Variants in EIF4G3 observed in about 807,000 individuals in gnomAD.
The protein encoded by EIF4G3 is eIF-4-gamma 3.
EIF4G3 carries 34 observed loss-of-function variants against 186.4 expected under a neutral mutation model. The ratio of observed to expected loss-of-function variants is 0.18; its 90% CI spans 0.14 to 0.24. EIF4G3 has a LOEUF of 0.24. Ranked by LOEUF, EIF4G3 falls within the 10% of genes least tolerant of loss-of-function variation. The pLI is 1.00. For synonymous variants in EIF4G3, 673 were observed against 679.5 expected (o/e 0.99, Z 0.15); for missense variants, 1,536 against 1,948.5 (o/e 0.79, Z 3.99).
At chr1:20,821,620 C>T (rs950934479) in intron 33 of EIF4G3, among the ~76,000 whole-genome samples, 2 of 151,150 alleles carry the variant, frequency 1.3e-5, no homozygotes, top group Admixed American at 6.6e-5. Flanking sequence ...TCACCATCTT[C>T]CCTATTATGT....
chr1:20,814,821 C>T (rs1310869180), intron 34 of EIF4G3, among the ~76,000 whole-genome samples: 3 of 119,048 alleles, frequency 2.5e-5, no homozygotes, highest in Non-Finnish European at 5.3e-5. Flanking sequence ...CACGGTCTCC[C>T]TCTGATGCCG....
At chr1:21,067,226 G>A (rs2095278661) in intron 3 of EIF4G3, among the ~76,000 whole-genome samples, 1 of 150,042 alleles carries the variant, frequency 6.7e-6, no homozygotes, top group Admixed American at 6.7e-5. Context: ...TCTGCTTCTG[G>A]GGTTTAAGGG....
chr1:21,040,249 G>A (rs1439885284), intron 4 of EIF4G3, among the ~76,000 whole-genome samples: 1 of 152,094 alleles, frequency 6.6e-6, no homozygotes, highest in Admixed American at 6.5e-5. Flanking sequence ...TGCACATAAT[G>A]AAGTCTCCAA....
At chr1:20,888,598 A>G (rs1012878041) in intron 18 of EIF4G3, among the ~76,000 whole-genome samples, 1 of 152,132 alleles carries the variant, frequency 6.6e-6, no homozygotes, top group Non-Finnish European at 1.5e-5. Context: ...TAGAGTCCAA[A>G]TCTGCTATAT....
At chr1:20,985,742 T>C (rs1186059404) in intron 7 of EIF4G3, among the ~76,000 whole-genome samples, 2 of 151,940 alleles carry the variant, frequency 1.3e-5, no homozygotes, top group African/African-American at 4.8e-5. Context: ...TCATTAAGAG[T>C]CAAACTCTCC....
At chr1:20,869,801 A>T (rs970849210) in intron 20 of EIF4G3, among the ~76,000 whole-genome samples, 1 of 150,546 alleles carries the variant, frequency 6.6e-6, no homozygotes, top group African/African-American at 2.4e-5. Context: ...AAAAAAAGTG[A>T]AGTAAACAGC....
Position 21,062,406 on chromosome 1 carries a change from A to G in EIF4G3, c.-195-11412T>C, listed in dbSNP as rs146798221. Among the ~76,000 whole-genome samples the G allele has an allele frequency of 5.9e-5, 9 of 152,194 alleles. No homozygotes were observed. The East Asian group carries it at 1.6e-3, about 26-fold the overall frequency. ...AAATAAACAAGATCATCAGAGAATA[A>G]ATCAGTAATATCCTAAACTAAAATT... On this transcript the variant is annotated intron_variant, in intron 3 of 36. Transcript: ENST00000602326.
At chr1:20,887,266 A>G (rs114471972) in intron 18 of EIF4G3, among the ~76,000 whole-genome samples, 2,551 of 151,410 alleles carry the variant, frequency 0.017, 28 homozygotes, top group Non-Finnish European at 0.027. Context: ...TAGCCATTAG[A>G]TTTCAAGAGA....
intron 4 of EIF4G3, among the ~76,000 whole-genome samples, chr1:21,028,727 A>C (rs7523514): frequency 4.6e-5 from 7 of 152,210 alleles, no homozygotes; most frequent in Admixed American, 2.0e-4. Flanking sequence ...AGCTATATAC[A>C]GTGTATGGCC....
Position 20,839,504 on chromosome 1 carries a change from C to A in EIF4G3, c.4061+1352G>T, listed in dbSNP as rs994793846. The stretch of plus-strand genomic sequence containing the variant: ...GCTTGCAAAGTCAAACGAATAAATT[C>A]AACAATGACTTTTTTGTTTTTTAGA... On this transcript the variant is annotated intron_variant, in intron 30 of 36. Transcript: ENST00000602326. Among the ~76,000 whole-genome samples the A allele has an allele frequency of 2.0e-5, 3 of 152,018 alleles. No homozygotes were observed. The East Asian group carries it at 5.8e-4, about 29-fold the overall frequency.
rs761879638 is a variant in EIF4G3 at position 20,840,955 on chromosome 1, G to A, written c.3962C>T (p.Ser1321Phe). 3 of 1,614,054 alleles carry A rather than the reference G, an allele frequency of 1.9e-6. No individual in the cohort carries two copies. The highest frequency in any genetic ancestry group is 2.5e-6 in the Non-Finnish European group (3 of 1,179,992). The change falls in exon 30 of 37, where the codon TCC becomes TTC. Residue 1321 changes from serine to phenylalanine, a missense_variant. Physicochemically the swap from Ser to Phe is radical, Grantham distance 155 (BLOSUM62 -2). This residue lies in a region of EIF4G3 where 395 missense variants were observed against 498.9 expected (regional missense o/e 0.79). Coordinates refer to ENST00000602326, the MANE Select transcript of EIF4G3 (RefSeq NM_001391906.1). ...LHVFVRVGVE[S>F]TLERSQITRD... The stretch of plus-strand genomic sequence containing the variant: ...GGTGATCTGGCTCCTTTCCAGGGTG[G>A]ACTCCACTCCCACTCTCACAAAAAC...
In EIF4G3 at chr1:20,879,497, A is replaced by G. The variant is rs867812246; in HGVS notation, c.2448T>C (p.Ser816=). 1 of 1,453,704 alleles carries G rather than the reference A, an allele frequency of 6.9e-7. No homozygotes were observed. Among genetic ancestry groups the G allele is most frequent in the Middle Eastern group, 1.8e-4 (1 of 5,446 alleles). The allele number at this position is 1,453,704 out of a possible 1,614,324, so 90.1% of individuals were successfully genotyped here. The change falls in exon 20 of 37, where the codon AGT becomes AGC. Residue 816 remains serine (S), a synonymous_variant. Coordinates refer to ENST00000602326, the MANE Select transcript of EIF4G3 (RefSeq NM_001391906.1). ...KTQELFRKVR[S]ILNKLTPQMF... ...TCTGTGGTGTCAATTTATTTAAGAT[A>G]CTTCGAACTTTTCTAAAAAGCTCCT... is the stretch of plus-strand genomic sequence containing the variant.
In EIF4G3 at chr1:20,891,648, G is replaced by T. The variant is rs925932100; in HGVS notation, c.2253+1869C>A. ...AAAAAAAAAAAAAAATTAGCTGGGCGTGGTGGCAGGCACCTATAGTCCCAG... is the reference window on the plus strand; with the variant it reads ...AAAAAAAAAAAAAAATTAGCTGGGCTTGGTGGCAGGCACCTATAGTCCCAG... On this transcript the variant is annotated intron_variant, in intron 18 of 36. Coordinates refer to ENST00000602326, the MANE Select transcript of EIF4G3 (RefSeq NM_001391906.1). 1.5e-4 allele frequency among the ~76,000 whole-genome samples: 23 copies of T among 150,694 alleles called. 1 individual carries two copies. Among genetic ancestry groups the T allele is most frequent in the Non-Finnish European group, 3.2e-4 (22 of 67,702 alleles).
intron 4 of EIF4G3, among the ~76,000 whole-genome samples, chr1:21,024,234 G>C (rs34675896): frequency 6.8e-6 from 1 of 146,184 alleles, no homozygotes; most frequent in African/African-American, 2.6e-5. Flanking sequence ...TCAGCCCCCC[G>C]CCCGGCCAGC....
intron 2 of EIF4G3, among the ~76,000 whole-genome samples, chr1:21,135,905 C>A (rs1300468461): frequency 1.3e-5 from 2 of 152,066 alleles, no homozygotes; most frequent in Non-Finnish European, 2.9e-5. Flanking sequence ...GAACACAGGC[C>A]GGGCGCGGTG....
At chr1:21,119,850 T>A (rs1439055611) in intron 2 of EIF4G3, among the ~76,000 whole-genome samples, 1 of 152,272 alleles carries the variant, frequency 6.6e-6, no homozygotes, top group South Asian at 2.1e-4. Flanking sequence ...TTCTTAAGCA[T>A]CTTTCCAGAA....
At position 21,161,503 on chromosome 1, in the gene EIF4G3, CA is replaced by C. The variant is rs201707516; in HGVS notation, c.-272+14671del. The C allele has an allele frequency of 1.5e-3, 229 of 148,982 alleles. 2 individuals carry two copies. In the East Asian group the frequency reaches 0.044, roughly 29 times the overall value. The allele number at this position is 148,982 out of a possible 1,614,324, so 9.2% of individuals were successfully genotyped here. On this transcript the variant is annotated intron_variant, in intron 2 of 36. Coordinates refer to ENST00000602326, the MANE Select transcript of EIF4G3 (RefSeq NM_001391906.1). ...GGGCAACAAGAGCAAAATTCCATCT[CA>C]AAAAAAAAGAAAAGAAAAAGAAAAA...
At position 21,176,261 on chromosome 1, in the gene EIF4G3, C is replaced by CGCTGCT. The variant is rs2098104622; in HGVS notation, c.-359_-358insAGCAGC. 2 of 369,932 alleles carry CGCTGCT rather than the reference C, an allele frequency of 5.4e-6. No homozygotes were observed. Among genetic ancestry groups the CGCTGCT allele is most frequent in the South Asian group, 8.7e-5 (1 of 11,502 alleles). 22.9% of individuals were successfully genotyped at this position (369,932 alleles called of 1,614,324 possible). A position where few individuals can be genotyped will look rare whatever the true frequency, so the allele number is the denominator to read the frequency against. ...CCGCCGCCGCCGCCGCCGCCGCCGC[C>CGCTGCT]GCCGCTGCTGCCGCCGCCGGGTGAG... On this transcript the variant is annotated 5_prime_UTR_variant, in exon 2 of 37. Transcript: ENST00000602326.
intron 4 of EIF4G3, among the ~76,000 whole-genome samples, chr1:21,007,036 C>T (rs1032535826): frequency 6.6e-6 from 1 of 152,134 alleles, no homozygotes; most frequent in Non-Finnish European, 1.5e-5. Flanking sequence ...AGATTAAACT[C>T]AATATTGTAC....
Sources: gnomAD v4.1 joint callset for allele counts (sites outside exome capture counted in the v4.1 genomes callset) on GRCh38, gnomAD v4.1.1 for gene constraint, gnomAD v4.1.1 regional missense constraint, MANE v1.5 for transcripts, NCBI Gene and HGNC (gene_info 2026-07-23, HGNC 2026-07-21) for gene names.